The following KMT2D variants were observed in gnomAD, a reference collection of about 807,000 sequenced individuals.
KMT2D encodes the protein histone-lysine N-methyltransferase 2D.
Under a neutral mutation model 512.7 loss-of-function variants are expected in KMT2D, and 55 were observed. The observed-to-expected ratio is 0.11, with a 90% CI of 0.09 to 0.13. The LOEUF (loss-of-function observed/expected upper bound fraction) is 0.13, where lower values mean the gene tolerates loss of function less well. Among genes scored for constraint, KMT2D ranks in the 10% least tolerant of loss-of-function variants. The pLI is 1.00. For synonymous variants in KMT2D, 2,995 were observed against 2,904.0 expected (o/e 1.03, Z -1.01); for missense variants, 6,061 against 7,127.9 (o/e 0.85, Z 5.39).
Position 49,022,984 on chromosome 12 carries a change from G to T in KMT2D, c.16053-109C>A. The T allele has an allele frequency of 8.3e-7, 1 of 1,202,878 alleles. No individual in the cohort carries two copies. Among genetic ancestry groups the T allele is most frequent in the South Asian group, 1.7e-5 (1 of 59,490 alleles). 74.5% of individuals were successfully genotyped at this position (1,202,878 alleles called of 1,614,324 possible). On this transcript the variant is annotated intron_variant, in intron 51 of 54. Coordinates refer to ENST00000301067, the MANE Select transcript of KMT2D (RefSeq NM_003482.4). The surrounding 1 kb of genome is among the most constrained non-coding windows in gnomAD (Gnocchi z 8.6). ...TGTGCAACACACCAGTTAGGGGCGT[G>T]TGCTGCTGGCAAGCACTGGAAGTGC...
Position 49,024,855 on chromosome 12 carries a change from C to T in KMT2D, c.15876G>A (p.Glu5292=), listed in dbSNP as rs1365163460. 6.2e-7 allele frequency: 1 copy of T among 1,611,760 alleles called. No homozygotes were observed. The highest frequency in any genetic ancestry group is 2.2e-5 in the East Asian group (1 of 44,808). Residue 5292 remains glutamate (E), a synonymous_variant, in exon 50 of 55, where the codon GAG becomes GAA. Transcript: ENST00000301067. The surrounding 1 kb of genome is among the most constrained non-coding windows in gnomAD (Gnocchi z 4.5). ...RLFPEYLKGE[E]LFGLTVHAVL... ...CGGCATGCACCGTCAGCCCAAAGAG[C>T]TCCTCGCCCTTCAGATACTCAGGGA...
chr12:49,049,775 T>A lies in KMT2D; in HGVS notation c.3813A>T (p.Leu1271=), dbSNP rs201794205. ...TGATAGCTGTCCCAGCATCGCACAA[T>A]AGTGAGTCATCAGTCTCTGGCAGTG... The part of the protein sequence containing the change: ...TDSLPETDDS[L]LCDAGTAISG... The change falls in exon 12 of 55, where the codon CTA becomes CTT. Residue 1271 remains leucine, a synonymous_variant. Transcript: ENST00000301067. 1.8e-4 allele frequency: 290 copies of A among 1,613,482 alleles called. 1 individual carries two copies. The highest frequency in any genetic ancestry group is 1.6e-4 in the Middle Eastern group (1 of 6,082).
In KMT2D at chr12:49,022,098, T is replaced by C. The variant is rs2137703760; in HGVS notation, c.16466A>G (p.Asp5489Gly). Reference protein sequence around the residue: ...PNCVAEVVTFDKEDKIIIISS... With the variant: ...PNCVAEVVTFGKEDKIIIISS... Reference sequence around the variant, plus strand: ...GATGATGATGATTTTGTCCTCTTTGTCAAATGTCACGACTTCGGCCACACA... The same window carrying C: ...GATGATGATGATTTTGTCCTCTTTGCCAAATGTCACGACTTCGGCCACACA... Residue 5489 changes from aspartate to glycine, a missense_variant, in exon 54 of 55, where the codon GAC becomes GGC. Asp to Gly is a moderately conservative substitution (Grantham distance 94, BLOSUM62 -1). Around this residue, in one of 16 missense-constraint regions of KMT2D, gnomAD observed 44 missense variants for 194.7 expected, o/e 0.23. Transcript: ENST00000301067. The surrounding 1 kb of genome is among the most constrained non-coding windows in gnomAD (Gnocchi z 8.6). 6.2e-7 allele frequency: 1 copy of C among 1,613,986 alleles called. No homozygotes were observed. Among genetic ancestry groups the C allele is most frequent in the African/African-American group, 1.3e-5 (1 of 75,036 alleles).
Position 49,034,943 on chromosome 12 carries a change from G to C in KMT2D, c.10232-8C>G, listed in dbSNP as rs1215914830. The C allele has an allele frequency of 6.2e-7, 1 of 1,613,802 alleles. No homozygotes were observed. Among genetic ancestry groups the C allele is most frequent in the Non-Finnish European group, 8.5e-7 (1 of 1,179,736 alleles). ...CAGCAAATTTGTCCAGGTCTGGAGAGGGGAGAACCAAGTGAGCTGGGCTAT... is the reference window on the plus strand; with the variant it reads ...CAGCAAATTTGTCCAGGTCTGGAGACGGGAGAACCAAGTGAGCTGGGCTAT... On this transcript the variant is annotated splice_polypyrimidine_tract_variant and splice_region_variant and intron_variant, in intron 35 of 54. Coordinates refer to ENST00000301067, the MANE Select transcript of KMT2D (RefSeq NM_003482.4).
At chr12:49,047,745 G>C (rs1376988020) in intron 15 of KMT2D, among the ~76,000 whole-genome samples, 2 of 152,130 alleles carry the variant, frequency 1.3e-5, no homozygotes, top group African/African-American at 4.8e-5. Flanking sequence ...ACGATGGACT[G>C]AATTATACCA....
chr12:49,038,849 C>A lies in KMT2D; in HGVS notation c.8507G>T (p.Arg2836Leu). 1.3e-6 allele frequency: 2 copies of A among 1,553,956 alleles called. No individual in the cohort carries two copies. The highest frequency in any genetic ancestry group is 2.4e-5 in the East Asian group (1 of 41,132). Residue 2836 changes from arginine (R) to leucine (L), a missense_variant, in exon 35 of 55, where the codon CGC becomes CTC. Arg to Leu is a moderately radical substitution (Grantham distance 102). Around this residue, in one of 16 missense-constraint regions of KMT2D, gnomAD observed 527 missense variants for 578.9 expected, o/e 0.91. Transcript: ENST00000301067. The surrounding 1 kb of genome is among the most constrained non-coding windows in gnomAD (Gnocchi z 5.7). The stretch of plus-strand genomic sequence containing the variant: ...TTCAGGTCCAGGAGTTGATGGAAAG[C>A]GAGCTGACATGGCAAATCGCATGGA... The part of the protein sequence containing the change: ...ATSMRFAMSA[R>L]FPSTPGPELG...
chr12:49,053,796 C>A (rs1450353720), intron 6 of KMT2D, among the ~76,000 whole-genome samples, 155 bp from the exon 7 acceptor site: 1 of 152,198 alleles, frequency 6.6e-6, no homozygotes, highest in Non-Finnish European at 1.5e-5. Flanking sequence ...GTTCTAGGCA[C>A]TGGAGACAAA....
At position 49,060,585 on chromosome 12, in the gene KMT2D, C is replaced by A. The variant is rs1171002821; in HGVS notation, c.-1010G>T. Among the ~76,000 whole-genome samples, 1 of 152,128 alleles carries A rather than the reference C, an allele frequency of 6.6e-6. No individual in the cohort carries two copies. Among genetic ancestry groups the A allele is most frequent in the African/African-American group, 2.4e-5 (1 of 41,438 alleles). On this transcript the variant is annotated 5_prime_UTR_variant, in exon 1 of 55. Coordinates refer to ENST00000301067, the MANE Select transcript of KMT2D (RefSeq NM_003482.4). ...GAGAGGAAAGTAGTGCAGCGCGGCG[C>A]CGCTCCGCCTCCCCCCCTCCGCCTC...
Position 49,026,114 on chromosome 12 carries a change from T to TTG in KMT2D, c.15784+66_15784+67dup. ...GAAGCTACAGGTCCTCTTATAGACA[T>TTG]TGTAACAGTGACCCTGGGAGAAACT... On this transcript the variant is annotated intron_variant, in intron 49 of 54. Coordinates refer to ENST00000301067, the MANE Select transcript of KMT2D (RefSeq NM_003482.4). The surrounding 1 kb of genome is among the most constrained non-coding windows in gnomAD (Gnocchi z 9.6). The TTG allele has an allele frequency of 7.0e-7, 1 of 1,434,552 alleles. No individual in the cohort carries two copies. Among genetic ancestry groups the TTG allele is most frequent in the Non-Finnish European group, 9.4e-7 (1 of 1,060,048 alleles). 88.9% of individuals were successfully genotyped at this position (1,434,552 alleles called of 1,614,324 possible).
At chr12:49,025,652 T>C (rs1942540785) in intron 49 of KMT2D, among the ~76,000 whole-genome samples, 1 of 152,216 alleles carries the variant, frequency 6.6e-6, no homozygotes, top group Non-Finnish European at 1.5e-5. Context: ...TGAGACTCAG[T>C]TTCTTTATGA....
At chr12:49,058,414 G>C (rs1222598431) in intron 1 of KMT2D, among the ~76,000 whole-genome samples, 4 of 152,108 alleles carry the variant, frequency 2.6e-5, no homozygotes, top group African/African-American at 9.7e-5. Flanking sequence ...TCCAAAACCA[G>C]ACTCAAAGAA....
Position 49,038,297 on chromosome 12 carries a change from T to C in KMT2D, c.9059A>G (p.Lys3020Arg). Residue 3020 changes from lysine (K) to arginine (R), a missense_variant, in exon 35 of 55, where the codon AAG (lysine) becomes AGG (arginine). By Grantham distance (26) the Lys-to-Arg change is conservative (BLOSUM62 2). Transcript: ENST00000301067. The surrounding 1 kb of genome is among the most constrained non-coding windows in gnomAD (Gnocchi z 5.7). ...AHLGLGVDVA[K>R]GDDELGTLEN... ...TAAGGTGCCAAGTTCATCATCACCC[T>C]TGGCCACATCCACACCCAGACCCAG... The C allele has an allele frequency of 6.2e-7, 1 of 1,613,850 alleles. No individual in the cohort carries two copies. Among genetic ancestry groups the C allele is most frequent in the Non-Finnish European group, 8.5e-7 (1 of 1,179,876 alleles).
In KMT2D at chr12:49,040,846, G is replaced by A. The variant is rs2120536361; in HGVS notation, c.6924C>T (p.Asp2308=). The A allele has an allele frequency of 6.2e-7, 1 of 1,613,794 alleles. No individual in the cohort carries two copies. The highest frequency in any genetic ancestry group is 1.3e-5 in the African/African-American group (1 of 75,002). The stretch of plus-strand genomic sequence containing the variant: ...CCAGGTGGGTGCCTGAGGAGGGTGA[G>A]TCAACAAAGCCCAGGTTTGGGGGCC... The part of the protein sequence containing the change: ...SYGPPNLGFV[D]SPSSGTHLGG... The change falls in exon 32 of 55, where the codon GAC becomes GAT. Residue 2308 remains aspartate (D), a synonymous_variant. Coordinates refer to ENST00000301067, the MANE Select transcript of KMT2D (RefSeq NM_003482.4).
Position 49,020,665 on chromosome 12 carries a change from A to G in KMT2D, c.*1115T>C. On this transcript the variant is annotated 3_prime_UTR_variant, in exon 55 of 55. Coordinates refer to ENST00000301067, the MANE Select transcript of KMT2D (RefSeq NM_003482.4). ...CCAGCAGCAGTTTGGTGACTGAGGG[A>G]AAGTGGGAGCTCCGGGCCACACCCT... The G allele has an allele frequency of 5.9e-6, 1 of 169,550 alleles. No homozygotes were observed. Among genetic ancestry groups the G allele is most frequent in the East Asian group, 1.0e-4 (1 of 9,558 alleles). 10.5% of individuals were successfully genotyped at this position (169,550 alleles called of 1,614,324 possible).
chr12:49,032,243 G>A lies in KMT2D; in HGVS notation c.12462C>T (p.Gly4154=). The A allele has an allele frequency of 1.2e-6, 2 of 1,613,852 alleles. No homozygotes were observed. Among genetic ancestry groups the A allele is most frequent in the South Asian group, 1.1e-5 (1 of 91,078 alleles). The change falls in exon 40 of 55, where the codon GGC becomes GGT. Residue 4154 remains glycine, a synonymous_variant. Transcript: ENST00000301067. ...GCCGCTCTAGCATGGGCTGTTGGGG[G>A]CCCAGAAGGTTCTGGGTCATGGACC... ...QPGSMTQNLL[G]PQQPMLERPM... is the part of the protein sequence containing the mutation.
chr12:49,039,466 C>T lies in KMT2D; in HGVS notation c.8198G>A (p.Ser2733Asn). Reference sequence around the variant, plus strand: ...CCCAGCAAAGGGGGTCTGGCCTCGACTCAGCTGCTCAAAGGCAGGGCTGCT... The same window carrying T: ...CCCAGCAAAGGGGGTCTGGCCTCGATTCAGCTGCTCAAAGGCAGGGCTGCT... Reference protein sequence around the residue: ...EPSSPAFEQLSRGQTPFAGTQ... With the variant: ...EPSSPAFEQLNRGQTPFAGTQ... The change falls in exon 33 of 55, where the codon AGT becomes AAT. Residue 2733 changes from serine to asparagine, a missense_variant. Ser to Asn is a conservative substitution (Grantham distance 46, BLOSUM62 1). This residue lies in a region of KMT2D where 527 missense variants were observed against 578.9 expected (regional missense o/e 0.91). Transcript: ENST00000301067. The surrounding 1 kb of genome is among the most constrained non-coding windows in gnomAD (Gnocchi z 5.0). The T allele has an allele frequency of 6.2e-7, 1 of 1,605,092 alleles. No homozygotes were observed.
intron 1 of KMT2D, among the ~76,000 whole-genome samples, chr12:49,056,454 GA>G (rs1014886921): frequency 3.8e-4 from 56 of 148,374 alleles, no homozygotes; most frequent in African/African-American, 1.2e-3. Flanking sequence ...AGCACAGTGG[GA>G]AAAAAAAAAG....
At chr12:49,048,276 G>C (rs1230606021) in intron 14 of KMT2D, among the ~76,000 whole-genome samples, 1 of 152,202 alleles carries the variant, frequency 6.6e-6, no homozygotes, top group Non-Finnish European at 1.5e-5. Context: ...TATAAAGCCT[G>C]ACATGGGTGA....
Position 49,039,055 on chromosome 12 carries a change from G to T in KMT2D, c.8367-66C>A, listed in dbSNP as rs2120508560. 6.6e-7 allele frequency: 1 copy of T among 1,524,296 alleles called. No individual in the cohort carries two copies. The highest frequency in any genetic ancestry group is 9.0e-7 in the Non-Finnish European group (1 of 1,116,194). 94.4% of individuals were successfully genotyped at this position (1,524,296 alleles called of 1,614,324 possible). ...AAAAGGAGCAAGAACATGGGCTTAG[G>T]GCAGTGAGGAAGGATAGAATTAATG... On this transcript the variant is annotated intron_variant, in intron 34 of 54. Transcript: ENST00000301067. This position sits in a 1 kb window ranked among gnomAD's most constrained non-coding sequence, Gnocchi z 5.0.
Sources: allele counts gnomAD v4.1 joint callset (sites outside exome capture counted in the v4.1 genomes callset), GRCh38; gene constraint gnomAD v4.1.1; regional missense constraint gnomAD v4.1.1; non-coding constraint Gnocchi (gnomAD v3.1); transcripts MANE v1.5; gene names NCBI Gene and HGNC (gene_info 2026-07-23, HGNC 2026-07-21).